The following THSD7B variants were observed in gnomAD, a reference collection of about 807,000 sequenced individuals.
The protein encoded by THSD7B is thrombospondin type 1 domain containing 7B.
A neutral mutation model predicts 213.6 loss-of-function variants in THSD7B; 138 were observed. The ratio of observed to expected loss-of-function variants is 0.65; its 90% CI spans 0.56 to 0.74. THSD7B has a LOEUF of 0.74. Ranked by LOEUF, THSD7B falls within the 30% of genes least tolerant of loss-of-function variation. The pLI is 0.00. For missense variants in THSD7B, 1,931 were observed against 1,991.5 expected (o/e 0.97, Z 0.58); for synonymous variants, 742 against 687.0 (o/e 1.08, Z -1.25).
chr2:137,434,501 C>A (rs1687251932), intron 14 of THSD7B, among the ~76,000 whole-genome samples: 2 of 152,170 alleles, frequency 1.3e-5, no homozygotes, highest in South Asian at 4.1e-4. Flanking sequence ...ACCTCCTGGG[C>A]AAAGATAATA....
chr2:137,115,704 AAATGTC>A (rs1159453773), intron 5 of THSD7B, among the ~76,000 whole-genome samples: 1 of 152,184 alleles, frequency 6.6e-6, no homozygotes, highest in African/African-American at 2.4e-5. Flanking sequence ...TATTCCTTTC[AAATGTC>A]AAGGATCCAG....
At position 137,089,187 on chromosome 2, in the gene THSD7B, A is replaced by G. The variant is rs1000786607; in HGVS notation, c.951-5686A>G. Among the ~76,000 whole-genome samples the G allele has an allele frequency of 2.6e-5, 4 of 151,746 alleles. No individual in the cohort carries two copies. In the South Asian group the frequency reaches 6.2e-4, roughly 24 times the overall value. Reference sequence around the variant, plus strand: ...CATGTTTACAGCAGCACAATTCGCAATTGCAAAATGTAGAACCAACCCAAA... The same window carrying G: ...CATGTTTACAGCAGCACAATTCGCAGTTGCAAAATGTAGAACCAACCCAAA... On this transcript the variant is annotated intron_variant, in intron 3 of 27. Coordinates refer to ENST00000409968, the MANE Select transcript of THSD7B (RefSeq NM_001316349.2).
At chr2:137,154,982 A>G (rs1229297689) in intron 5 of THSD7B, among the ~76,000 whole-genome samples, 2 of 152,204 alleles carry the variant, frequency 1.3e-5, no homozygotes, top group African/African-American at 4.8e-5. Context: ...GCAGACTTTA[A>G]CATTTCTTGT....
chr2:137,607,538 G>A (rs1682205907), intron 17 of THSD7B, among the ~76,000 whole-genome samples: 2 of 152,008 alleles, frequency 1.3e-5, no homozygotes, highest in African/African-American at 4.8e-5. Context: ...AGTTCTCATG[G>A]GTCGCAATAA....
intron 27 of THSD7B, among the ~76,000 whole-genome samples, chr2:137,669,931 G>A (rs1683527747): frequency 6.6e-6 from 1 of 152,036 alleles, no homozygotes; most frequent in South Asian, 2.1e-4. Context: ...TAGGCTCTGG[G>A]AATTAATTAG....
At position 137,398,727 on chromosome 2, in the gene THSD7B, T is replaced by G. The variant is rs549140418; in HGVS notation, c.2501-6886T>G. ...CTTCAGGGCTGCTTTGTTTACCTAA[T>G]CAAGCCTGGGCAATGGTGGGCGCCC... On this transcript the variant is annotated intron_variant, in intron 12 of 27. Coordinates refer to ENST00000409968, the MANE Select transcript of THSD7B (RefSeq NM_001316349.2). Among the ~76,000 whole-genome samples the G allele has an allele frequency of 1.6e-3, 242 of 152,288 alleles. 2 individuals are homozygous for G. Among genetic ancestry groups the G allele is most frequent in the Admixed American group, 4.0e-3 (61 of 15,306 alleles).
intron 3 of THSD7B, among the ~76,000 whole-genome samples, chr2:137,091,186 C>T (rs1316042849): frequency 2.0e-5 from 3 of 152,168 alleles, no homozygotes; most frequent in Non-Finnish European, 4.4e-5. Flanking sequence ...ACTCCCTGCA[C>T]ATGCTCTTAC....
At chr2:137,060,061 C>T (rs1468079462) in intron 3 of THSD7B, among the ~76,000 whole-genome samples, 2 of 152,014 alleles carry the variant, frequency 1.3e-5, no homozygotes, top group Non-Finnish European at 2.9e-5. Context: ...TTTTGCCATT[C>T]GAATAGGTGT....
chr2:136,766,280 G>A (rs1019691854), intron 1 of THSD7B, among the ~76,000 whole-genome samples: 1 of 152,112 alleles, frequency 6.6e-6, no homozygotes, highest in African/African-American at 2.4e-5. Flanking sequence ...TCGGTGGAGT[G>A]TCAGGAGGCT....
At chr2:137,248,336 T>C (rs1682089336) in intron 10 of THSD7B, among the ~76,000 whole-genome samples, 1 of 152,126 alleles carries the variant, frequency 6.6e-6, no homozygotes, top group African/African-American at 2.4e-5. Flanking sequence ...ACTCAGAGGG[T>C]AGGAGTCTTT....
chr2:136,933,163 C>CCTTT (rs1684662954), intron 2 of THSD7B, among the ~76,000 whole-genome samples: 1 of 149,284 alleles, frequency 6.7e-6, no homozygotes, highest in African/African-American at 2.5e-5. Flanking sequence ...TTCCTTCCTT[C>CCTTT]CTTCCTGTTC....
At chr2:137,624,576 C>T (rs7607882) in intron 20 of THSD7B, among the ~76,000 whole-genome samples, 57,568 of 151,870 alleles carry the variant, frequency 0.38, 12,905 homozygotes, top group African/African-American at 0.63. Context: ...TCTACCCATC[C>T]GACAAAGGGC....
rs536514930 is a variant in THSD7B at position 137,242,901 on chromosome 2, A to G, written c.2266+329A>G. Among the ~76,000 whole-genome samples the G allele has an allele frequency of 3.9e-5, 6 of 152,228 alleles. No homozygotes were observed. The South Asian group carries it at 1.0e-3, about 26-fold the overall frequency. Reference sequence around the variant, plus strand: ...AAGCATCATCACAATCACAGTTTCTATGTGGCTCTTGTGTGTCTGGACCCC... The same window carrying G: ...AAGCATCATCACAATCACAGTTTCTGTGTGGCTCTTGTGTGTCTGGACCCC... On this transcript the variant is annotated intron_variant, in intron 10 of 27. Transcript: ENST00000409968.
chr2:137,590,052 A>G (rs1320211225), intron 17 of THSD7B, among the ~76,000 whole-genome samples: 2 of 151,464 alleles, frequency 1.3e-5, no homozygotes, highest in African/African-American at 4.9e-5. Context: ...GGCCCTCCTG[A>G]TTTTTCTCTT....
chr2:137,633,101 A>G (rs1682771449), intron 20 of THSD7B, among the ~76,000 whole-genome samples: 1 of 152,306 alleles, frequency 6.6e-6, no homozygotes, highest in African/African-American at 2.4e-5. Context: ...TATACTGGAA[A>G]ATAGCCTTGA....
chr2:137,115,018 C>A, intron 4 of THSD7B, 106 bp from the exon 5 acceptor site: 1 of 1,263,774 alleles, frequency 7.9e-7, no homozygotes, highest in Admixed American at 2.1e-5. Flanking sequence ...AAGATTTGGC[C>A]CTAGAAAGAG....
At chr2:137,040,274 C>T (rs1686855286) in intron 2 of THSD7B, among the ~76,000 whole-genome samples, 1 of 152,122 alleles carries the variant, frequency 6.6e-6, no homozygotes, top group African/African-American at 2.4e-5. Context: ...CCACCTCTCC[C>T]AGACTAAGTA....
intron 10 of THSD7B, among the ~76,000 whole-genome samples, chr2:137,250,985 A>T (rs1230363715): frequency 6.6e-6 from 1 of 152,194 alleles, no homozygotes; most frequent in East Asian, 1.9e-4. Flanking sequence ...GGCTATTGGT[A>T]AAGGTGTTTT....
At chr2:137,470,550 G>A (rs1368664728) in intron 15 of THSD7B, among the ~76,000 whole-genome samples, 1 of 152,104 alleles carries the variant, frequency 6.6e-6, no homozygotes, top group African/African-American at 2.4e-5. Context: ...TATTAATCAC[G>A]ATGCTAGTAA....
Sources: gnomAD v4.1 joint callset for allele counts (sites outside exome capture counted in the v4.1 genomes callset) on GRCh38, gnomAD v4.1.1 for gene constraint, MANE v1.5 for transcripts, NCBI Gene and HGNC (gene_info 2026-07-23, HGNC 2026-07-21) for gene names.